Variants in NPAP1 observed in about 807,000 individuals in gnomAD.
NPAP1 encodes the protein nuclear pore associated protein 1, also known as nuclear pore-associated protein 1.
For missense variants in NPAP1, 1,483 were observed against 1,454.5 expected, an observed-to-expected ratio of 1.02 and a Z score of -0.32; for synonymous variants, 616 against 581.4, an observed-to-expected ratio of 1.06 and a Z score of -0.86.
chr15:24,679,618 C>A lies in NPAP1; in HGVS notation c.*280C>A, dbSNP rs1429694742. ...AGGCCCTTGTGTATCCACCTACCAA[C>A]AAAGTACCTAGGGCCCACCTGGACA... On this transcript the variant is annotated 3_prime_UTR_variant, in exon 1 of 1. Transcript: ENST00000329468. The A allele has an allele frequency of 6.9e-6, 3 of 433,452 alleles. No individual in the cohort carries two copies. Among genetic ancestry groups the A allele is most frequent in the Non-Finnish European group, 1.3e-5 (3 of 229,664 alleles). 26.9% of individuals were successfully genotyped at this position (433,452 alleles called of 1,614,324 possible).
the NPAP1 span, chr15:24,676,754 TG>T: frequency 6.2e-7 from 1 of 1,613,890 alleles, no homozygotes; most frequent in South Asian, 1.1e-5. Context: ...CCGATTCCGC[TG>T]ATGTCCGGAA....
Position 24,682,023 on chromosome 15 carries a change from C to T in NPAP1, c.*2685C>T, listed in dbSNP as rs1310743663. 6.0e-6 allele frequency: 1 copy of T among 166,928 alleles called. No homozygotes were observed. Among genetic ancestry groups the T allele is most frequent in the Non-Finnish European group, 1.5e-5 (1 of 68,092 alleles). 10.3% of individuals were successfully genotyped at this position (166,928 alleles called of 1,614,324 possible). On this transcript the variant is annotated 3_prime_UTR_variant, in exon 1 of 1. Transcript: ENST00000329468. ...TGATCTTGGCTCACTGCACGCTCCA[C>T]CTCTCGGAAGAACCCCTTTTTATTA...
rs928771596 is a variant in NPAP1, at chr15:24,682,138, A to G, written c.*2800A>G. 2.4e-5 allele frequency: 4 copies of G among 167,020 alleles called. No individual in the cohort carries two copies. The highest frequency in any genetic ancestry group is 5.9e-5 in the Non-Finnish European group (4 of 68,108). 10.3% of individuals were successfully genotyped at this position (167,020 alleles called of 1,614,324 possible). On this transcript the variant is annotated 3_prime_UTR_variant, in exon 1 of 1. Coordinates refer to ENST00000329468, the MANE Select transcript of NPAP1 (RefSeq NM_018958.3). ...TTTATGAGATTAGGCCTGAAAGAAAACAATCACAGAGAAATTACTGAATTC... is the reference window on the plus strand; with the variant it reads ...TTTATGAGATTAGGCCTGAAAGAAAGCAATCACAGAGAAATTACTGAATTC...
At position 24,676,672 on chromosome 15, in the gene NPAP1, T is replaced by G. The variant is rs765150164; in HGVS notation, c.805T>G (p.Cys269Gly). The G allele has an allele frequency of 6.2e-7, 1 of 1,613,934 alleles. No homozygotes were observed. Among genetic ancestry groups the G allele is most frequent in the African/African-American group, 1.3e-5 (1 of 74,922 alleles). The change falls in exon 1 of 1, where the codon TGC (cysteine) becomes GGC (glycine). Residue 269 changes from cysteine to glycine, a missense_variant. Cys to Gly is a radical substitution (Grantham distance 159, BLOSUM62 -3). Transcript: ENST00000329468. ...AGCGCCCCCTGAGCCAGCCGTTGGC[T>G]GCTCCCTGCTGCAGCAGAAGTTGGC... Reference protein sequence around the residue: ...ATAPPEPAVGCSLLQQKLAAE... With the variant: ...ATAPPEPAVGGSLLQQKLAAE...
rs2141309726 is a variant in NPAP1 at position 24,677,155 on chromosome 15, G to C, written c.1288G>C (p.Ala430Pro). 1 of 1,613,958 alleles carries C rather than the reference G, an allele frequency of 6.2e-7. No individual in the cohort carries two copies. The highest frequency in any genetic ancestry group is 8.5e-7 in the Non-Finnish European group (1 of 1,180,006). Reference sequence around the variant, plus strand: ...AGCTCCTTTGCCCATCCCTGACTTGGCTGACCTGGCTACTGGACCCCTCAT... The same window carrying C: ...AGCTCCTTTGCCCATCCCTGACTTGCCTGACCTGGCTACTGGACCCCTCAT... Reference protein sequence around the residue: ...VSAPLPIPDLADLATGPLILP... With the variant: ...VSAPLPIPDLPDLATGPLILP... Residue 430 changes from alanine (A) to proline (P), a missense_variant, in exon 1 of 1, where the codon GCT becomes CCT. Transcript: ENST00000329468.
In NPAP1 at chr15:24,679,159, T is replaced by C. The variant is rs974244139; in HGVS notation, c.3292T>C (p.Ser1098Pro). ...IPGLDPPTQN[S>P]CSGMGGDGTR... ...TGGTTTAGACCCACCTACCCAGAAT[T>C]CATGCAGTGGTATGGGAGGGGATGG... Residue 1098 changes from serine to proline, a missense_variant, in exon 1 of 1, where the codon TCA becomes CCA. Physicochemically the swap from Ser to Pro is moderately conservative, Grantham distance 74 (BLOSUM62 -1). Transcript: ENST00000329468. The C allele has an allele frequency of 1.9e-6, 3 of 1,614,220 alleles. No individual in the cohort carries two copies. Among genetic ancestry groups the C allele is most frequent in the African/African-American group, 1.3e-5 (1 of 75,058 alleles).
rs760143169 is a variant in NPAP1, at chr15:24,678,827, G to A, written c.2960G>A (p.Gly987Glu). 62 of 1,614,198 alleles carry A rather than the reference G, an allele frequency of 3.8e-5. 1 individual carries two copies. The Middle Eastern group carries it at 1.8e-3, about 47-fold the overall frequency. The stretch of plus-strand genomic sequence containing the variant: ...ACTTCTGGATTTAGAATTGCCACTG[G>A]GATGCCTGGCACTGGAGACAGTACC... ...AKTSGFRIAT[G>E]MPGTGDSTLL... The change falls in exon 1 of 1, where the codon GGG (glycine) becomes GAG (glutamate). Residue 987 changes from glycine (G) to glutamate (E), a missense_variant. Physicochemically the swap from Gly to Glu is moderately conservative, Grantham distance 98 (BLOSUM62 -2). Coordinates refer to ENST00000329468, the MANE Select transcript of NPAP1 (RefSeq NM_018958.3).
rs2141312269 is a variant in NPAP1, at chr15:24,678,273, C to T, written c.2406C>T (p.Asp802=). ...GCCTTCCTATCATGGTTCCTCCAGA[C>T]ACCTCCACTTTAGTGAGCAGTGCCT... ...FLSLPIMVPP[D]TSTLVSSASA... Residue 802 remains aspartate, a synonymous_variant, in exon 1 of 1, where the codon GAC becomes GAT. Transcript: ENST00000329468. The T allele has an allele frequency of 6.2e-7, 1 of 1,613,938 alleles. No homozygotes were observed. The highest frequency in any genetic ancestry group is 2.2e-5 in the East Asian group (1 of 44,830).
chr15:24,677,972 C>CCACT, the NPAP1 span: 1 of 1,613,826 alleles, frequency 6.2e-7, no homozygotes, highest in Non-Finnish European at 8.5e-7. Context: ...GCTATGCATA[C>CCACT]CACTCCTCCT....
Position 24,676,971 on chromosome 15 carries a change from C to T in NPAP1, c.1104C>T (p.Thr368=), listed in dbSNP as rs755057795. ...TGTCTGTTGAGGGAGACCTACACAC[C>T]TTGGAGAAGAGCCCTGAGTATAAAA... The part of the protein sequence containing the change: ...PCLSVEGDLH[T]LEKSPEYKRN... The change falls in exon 1 of 1, where the codon ACC becomes ACT. Residue 368 remains threonine, a synonymous_variant. Transcript: ENST00000329468. 2.5e-6 allele frequency: 4 copies of T among 1,613,932 alleles called. No homozygotes were observed. The Admixed American group carries it at 6.7e-5, about 27-fold the overall frequency.
chr15:24,679,018 G>C lies in NPAP1; in HGVS notation c.3151G>C (p.Val1051Leu). Residue 1051 changes from valine (V) to leucine (L), a missense_variant, in exon 1 of 1, where the codon GTT becomes CTT. Coordinates refer to ENST00000329468, the MANE Select transcript of NPAP1 (RefSeq NM_018958.3). ...GQSGTPSTTS[V>L]FPFGQAAWDP... ...GAGTGGGACACCCAGCACCACTTCT[G>C]TTTTCCCATTTGGTCAGGCAGCCTG... The C allele has an allele frequency of 6.2e-7, 1 of 1,614,160 alleles. No homozygotes were observed. Among genetic ancestry groups the C allele is most frequent in the Non-Finnish European group, 8.5e-7 (1 of 1,180,040 alleles).
rs778525815 is a variant in NPAP1, at chr15:24,676,488, T to C, written c.621T>C (p.Pro207=). ...DVASFRCSPG[P]LEGNVYHKFS... ...CCTCCTTCAGATGCAGCCCTGGGCC[T>C]CTGGAGGGAAATGTCTACCACAAGT... Residue 207 remains proline, a synonymous_variant, in exon 1 of 1, where the codon CCT becomes CCC. Transcript: ENST00000329468. The C allele has an allele frequency of 2.6e-5, 42 of 1,614,096 alleles. No individual in the cohort carries two copies. The South Asian group carries it at 4.4e-4, about 17-fold the overall frequency.
In NPAP1 at chr15:24,679,869, C is replaced by T. The variant is rs2049005893; in HGVS notation, c.*531C>T. 1 of 173,350 alleles carries T rather than the reference C, an allele frequency of 5.8e-6. No homozygotes were observed. Among genetic ancestry groups the T allele is most frequent in the Non-Finnish European group, 1.4e-5 (1 of 71,924 alleles). The allele number at this position is 173,350 out of a possible 1,614,324, so 10.7% of individuals were successfully genotyped here. A position where few individuals can be genotyped will look rare whatever the true frequency, so the allele number is the denominator to read the frequency against. ...TGCAGGTGGTGCAATAGGAGATAGCCCCAGATATTTGTAGGGAGAAACCTC... is the reference window on the plus strand; with the variant it reads ...TGCAGGTGGTGCAATAGGAGATAGCTCCAGATATTTGTAGGGAGAAACCTC... On this transcript the variant is annotated 3_prime_UTR_variant, in exon 1 of 1. Transcript: ENST00000329468.
chr15:24,677,515 T>C lies in NPAP1; in HGVS notation c.1648T>C (p.Ser550Pro), dbSNP rs1374269356. 15 of 1,613,990 alleles carry C rather than the reference T, an allele frequency of 9.3e-6. No individual in the cohort carries two copies. Among genetic ancestry groups the C allele is most frequent in the African/African-American group, 1.3e-5 (1 of 74,912 alleles). ...TSVITSKPMN[S>P]TSVISTVTTN... ...AGTTATCACCAGCAAGCCTATGAAT[T>C]CCACGTCAGTCATTTCCACTGTCAC... Residue 550 changes from serine to proline, a missense_variant, in exon 1 of 1, where the codon TCC becomes CCC. By Grantham distance (74) the Ser-to-Pro change is moderately conservative. Transcript: ENST00000329468.
chr15:24,678,466 G>C lies in NPAP1; in HGVS notation c.2599G>C (p.Ala867Pro), dbSNP rs2141312686. ...SGNTLHSDSI[A>P]SAQVSTSFPA... is the part of the protein sequence containing the mutation. ...GAACACACTACACAGTGACAGCATT[G>C]CCTCAGCCCAAGTCTCCACCAGTTT... is the stretch of plus-strand genomic sequence containing the variant. Residue 867 changes from alanine (A) to proline (P), a missense_variant, in exon 1 of 1, where the codon GCC becomes CCC. Coordinates refer to ENST00000329468, the MANE Select transcript of NPAP1 (RefSeq NM_018958.3). 1 of 1,614,180 alleles carries C rather than the reference G, an allele frequency of 6.2e-7. No homozygotes were observed. The highest frequency in any genetic ancestry group is 1.3e-5 in the African/African-American group (1 of 75,052).
rs564867151 is a variant in NPAP1 at position 24,680,802 on chromosome 15, C to T, written c.*1464C>T. ...AGGCAAAATTCCCGACTTTGTGGAC[C>T]CTATATTCTAGTTGAAGGGGAGAAA... On this transcript the variant is annotated 3_prime_UTR_variant, in exon 1 of 1. Coordinates refer to ENST00000329468, the MANE Select transcript of NPAP1 (RefSeq NM_018958.3). 2.4e-5 allele frequency: 4 copies of T among 166,664 alleles called. No individual in the cohort carries two copies. The highest frequency in any genetic ancestry group is 9.7e-5 in the African/African-American group (4 of 41,354). The allele number at this position is 166,664 out of a possible 1,614,324, so 10.3% of individuals were successfully genotyped here.
rs1566758308 is a variant in NPAP1 at position 24,681,846 on chromosome 15, T to TAGATAG, written c.*2509_*2510insGATAGA. ...GATAGATAGATAGATAGATAGATAA[T>TAGATAG]ATACATATATATGTATGGTCAATGA... On this transcript the variant is annotated 3_prime_UTR_variant, in exon 1 of 1. Transcript: ENST00000329468. 1.7e-5 allele frequency: 2 copies of TAGATAG among 115,714 alleles called. No homozygotes were observed. The highest frequency in any genetic ancestry group is 3.1e-4 in the South Asian group (1 of 3,228). The allele number at this position is 115,714 out of a possible 1,614,324, so 7.2% of individuals were successfully genotyped here.
In NPAP1 at chr15:24,676,712, A is replaced by T. The variant is rs7165533; in HGVS notation, c.845A>T (p.Asn282Ile). 4 of 1,614,060 alleles carry T rather than the reference A, an allele frequency of 2.5e-6. No individual in the cohort carries two copies. The highest frequency in any genetic ancestry group is 3.4e-6 in the Non-Finnish European group (4 of 1,180,026). Residue 282 changes from asparagine to isoleucine, a missense_variant, in exon 1 of 1, where the codon AAT becomes ATT. Transcript: ENST00000329468. ...CAGAAGTTGGCTGCGGAAGTGCTGA[A>T]TGAAGAGCCACCGCCCAGCTCCCTA... ...LQQKLAAEVL[N>I]EEPPPSSLGL...
rs754409765 is a variant in NPAP1, at chr15:24,678,214, A to G, written c.2347A>G (p.Lys783Glu). ...KFGAPDGPQQ[K>E]TSLPSAHDFL... ...TGGGGCCCCTGATGGGCCGCAGCAG[A>G]AAACCTCTCTCCCCAGTGCCCATGA... is the stretch of plus-strand genomic sequence containing the variant. Residue 783 changes from lysine to glutamate, a missense_variant, in exon 1 of 1, where the codon AAA (lysine) becomes GAA (glutamate). Coordinates refer to ENST00000329468, the MANE Select transcript of NPAP1 (RefSeq NM_018958.3). 3.7e-6 allele frequency: 6 copies of G among 1,612,840 alleles called. No individual in the cohort carries two copies. In the Admixed American group the frequency reaches 1.0e-4, roughly 27 times the overall value.
Sources: allele counts gnomAD v4.1 joint callset, GRCh38; gene constraint gnomAD v4.1.1; transcripts MANE v1.5; gene names NCBI Gene and HGNC (gene_info 2026-07-23, HGNC 2026-07-21).